The following NXPH1 variants were observed in gnomAD, a reference collection of about 807,000 sequenced individuals.
NXPH1 encodes neurexophilin-1.
Under a neutral mutation model 23.7 loss-of-function variants are expected in NXPH1, and 5 were observed. That is an observed-to-expected ratio of 0.21 (90% CI 0.11 to 0.44). The LOEUF (loss-of-function observed/expected upper bound fraction) is 0.44. Ranked by LOEUF, NXPH1 falls within the 20% of genes least tolerant of loss-of-function variation. The probability of loss-of-function intolerance (pLI) is 0.99; values close to 1 mark genes in which losing one functional copy is unlikely to be tolerated. For missense variants in NXPH1, 324 were observed against 321.6 expected (o/e 1.01, Z -0.06); for synonymous variants, 144 against 122.2 (o/e 1.18, Z -1.18).
chr7:8,436,038 G>T (rs1265218894), intron 2 of NXPH1, among the ~76,000 whole-genome samples: 2 of 152,222 alleles, frequency 1.3e-5, no homozygotes, highest in Non-Finnish European at 2.9e-5. Context: ...AGGAGGTAGT[G>T]AGATGGGGTG....
At chr7:8,736,032 T>C (rs542126523) in intron 2 of NXPH1, among the ~76,000 whole-genome samples, 1 of 152,328 alleles carries the variant, frequency 6.6e-6, no homozygotes, top group Admixed American at 6.5e-5. Context: ...TTTTATTCTT[T>C]ATTTGTCTTC....
chr7:8,600,211 C>A (rs140018002), intron 2 of NXPH1, among the ~76,000 whole-genome samples: 1 of 150,616 alleles, frequency 6.6e-6, no homozygotes, highest in Non-Finnish European at 1.5e-5. Flanking sequence ...CAAAGGCCTA[C>A]TTTCTTACTG....
At chr7:8,724,225 G>A (rs964770675) in intron 2 of NXPH1, among the ~76,000 whole-genome samples, 14 of 152,132 alleles carry the variant, frequency 9.2e-5, no homozygotes, top group African/African-American at 2.4e-5. Context: ...AAAGAGACCT[G>A]GGACCCTTAG....
chr7:8,461,692 C>T (rs1278855627), intron 2 of NXPH1, among the ~76,000 whole-genome samples: 3 of 150,240 alleles, frequency 2.0e-5, no homozygotes, highest in South Asian at 2.2e-4. Flanking sequence ...TAGCCGGGCG[C>T]GGTGGCGGGC....
intron 2 of NXPH1, among the ~76,000 whole-genome samples, chr7:8,489,536 C>T (rs1419480930): frequency 6.6e-6 from 1 of 152,026 alleles, no homozygotes; most frequent in African/African-American, 2.4e-5. Context: ...GGGTGGTGCT[C>T]TTACTATTAA....
rs557599817 is a variant in NXPH1 at position 8,449,885 on chromosome 7, TC to T, written c.54+14121del. On this transcript the variant is annotated intron_variant, in intron 2 of 2. Transcript: ENST00000405863. ...ATGCAGTTTTTATTCTTTAGGGACTTCCCATCAAATGGGGATACAAAGTTAA... is the reference window on the plus strand; with the variant it reads ...ATGCAGTTTTTATTCTTTAGGGACTTCCATCAAATGGGGATACAAAGTTAA... 3.8e-3 allele frequency among the ~76,000 whole-genome samples: 578 copies of T among 152,336 alleles called. 3 individuals are homozygous for T. Among genetic ancestry groups the T allele is most frequent in the Non-Finnish European group, 6.8e-3 (463 of 68,034 alleles).
intron 2 of NXPH1, among the ~76,000 whole-genome samples, chr7:8,540,226 A>G (rs1275107225): frequency 1.3e-5 from 2 of 151,934 alleles, no homozygotes; most frequent in East Asian, 2.0e-4. Context: ...AACTCTCCCA[A>G]TACCATGGGA....
At chr7:8,507,934 A>AG (rs939379242) in intron 2 of NXPH1, among the ~76,000 whole-genome samples, 2 of 152,152 alleles carry the variant, frequency 1.3e-5, no homozygotes, top group Non-Finnish European at 2.9e-5. Context: ...GTCAGTCAAT[A>AG]GGGAAAAAAG....
At chr7:8,642,534 G>C (rs78540434) in intron 2 of NXPH1, among the ~76,000 whole-genome samples, 7,205 of 151,990 alleles carry the variant, frequency 0.047, 378 homozygotes, top group East Asian at 0.17. Flanking sequence ...TTTTAAAATT[G>C]GTTACCAAAA....
intron 2 of NXPH1, among the ~76,000 whole-genome samples, chr7:8,692,125 AGGG>A (rs1821230861): frequency 6.6e-6 from 1 of 151,698 alleles, no homozygotes; most frequent in African/African-American, 2.4e-5. Flanking sequence ...ATGAGATGGC[AGGG>A]AGGGCTTACT....
At chr7:8,738,695 C>T (rs1780305477) in intron 2 of NXPH1, among the ~76,000 whole-genome samples, 1 of 152,178 alleles carries the variant, frequency 6.6e-6, no homozygotes, top group Non-Finnish European at 1.5e-5. Flanking sequence ...CAGGCAGGAA[C>T]ATTTAAGTCT....
At chr7:8,748,350 C>T (rs138478536) in intron 2 of NXPH1, among the ~76,000 whole-genome samples, 1 of 152,286 alleles carries the variant, frequency 6.6e-6, no homozygotes, top group East Asian at 1.9e-4. Context: ...GAAGTACTTA[C>T]AACTAAAAAA....
At chr7:8,628,536 T>G (rs993687080) in intron 2 of NXPH1, among the ~76,000 whole-genome samples, 4 of 151,906 alleles carry the variant, frequency 2.6e-5, no homozygotes, top group Non-Finnish European at 4.4e-5. Flanking sequence ...AATTACAAGT[T>G]AAACTAGAAC....
chr7:8,631,769 A>G (rs1050429333), intron 2 of NXPH1, among the ~76,000 whole-genome samples: 2 of 152,158 alleles, frequency 1.3e-5, no homozygotes, highest in Non-Finnish European at 2.9e-5. Context: ...CCAGGTGTCA[A>G]TCCATTTAAT....
chr7:8,585,148 C>T (rs917127157), intron 2 of NXPH1, among the ~76,000 whole-genome samples: 4 of 152,190 alleles, frequency 2.6e-5, no homozygotes, highest in Non-Finnish European at 4.4e-5. Context: ...TAAAATTATT[C>T]TATGTCTGCA....
intron 2 of NXPH1, among the ~76,000 whole-genome samples, chr7:8,588,133 C>T (rs1386214581): frequency 1.1e-4 from 17 of 152,154 alleles, no homozygotes; most frequent in Admixed American, 1.0e-3. Flanking sequence ...AATAGGAATG[C>T]TTTTACACTG....
At chr7:8,708,690 A>G (rs752732390) in intron 2 of NXPH1, among the ~76,000 whole-genome samples, 1 of 151,992 alleles carries the variant, frequency 6.6e-6, no homozygotes, top group African/African-American at 2.4e-5. Context: ...TATCCACCCC[A>G]TACAATTTTT....
chr7:8,742,712 C>T (rs1342605204), intron 2 of NXPH1, among the ~76,000 whole-genome samples: 1 of 152,042 alleles, frequency 6.6e-6, no homozygotes, highest in Admixed American at 6.5e-5. Flanking sequence ...TGCAAGGAAG[C>T]AGGGGTTGAT....
rs149576191 is a variant in NXPH1, at chr7:8,489,019, G to A, written c.54+53252G>A. 4.6e-3 allele frequency among the ~76,000 whole-genome samples: 704 copies of A among 152,222 alleles called. 3 individuals carry two copies. Among genetic ancestry groups the A allele is most frequent in the African/African-American group, 0.015 (638 of 41,550 alleles). On this transcript the variant is annotated intron_variant, in intron 2 of 2. Transcript: ENST00000405863. ...AGTCTTTGGACTCAAACCTTTCAGA[G>A]GCAGATAATTTTGTTCCTTGCATTT... is the stretch of plus-strand genomic sequence containing the variant.
Sources: gnomAD v4.1 joint callset for allele counts (sites outside exome capture counted in the v4.1 genomes callset) on GRCh38, gnomAD v4.1.1 for gene constraint, MANE v1.5 for transcripts, NCBI Gene and HGNC (gene_info 2026-07-23, HGNC 2026-07-21) for gene names.